The following DPYD variants were observed in gnomAD, a reference collection of about 807,000 sequenced individuals.
The protein encoded by DPYD is dihydropyrimidine dehydrogenase [NADP(+)].
A neutral mutation model predicts 116.2 loss-of-function variants in DPYD; 109 were observed. The observed-to-expected ratio is 0.94, with a 90% CI of 0.80 to 1.10. The LOEUF is 1.10. DPYD is among the 50% of genes least tolerant of loss of function. DPYD has a pLI of 0.00. For synonymous variants in DPYD, 440 were observed against 432.0 expected (o/e 1.02, Z -0.23); for missense variants, 1,302 against 1,254.5 (o/e 1.04, Z -0.57).
At chr1:97,542,633 C>T (rs1319288338) in intron 12 of DPYD, among the ~76,000 whole-genome samples, 1 of 152,110 alleles carries the variant, frequency 6.6e-6, no homozygotes, top group African/African-American at 2.4e-5. Context: ...ACCTTTGTAA[C>T]TTGATGCTTT....
intron 14 of DPYD, among the ~76,000 whole-genome samples, chr1:97,383,952 T>C (rs1462267657): frequency 2.0e-5 from 3 of 151,878 alleles, no homozygotes; most frequent in African/African-American, 2.4e-5. Flanking sequence ...CACAAAAAAA[T>C]AGAAAAATTA....
At chr1:97,552,501 T>C (rs1202153468) in intron 11 of DPYD, among the ~76,000 whole-genome samples, 3 of 152,086 alleles carry the variant, frequency 2.0e-5, no homozygotes, top group Admixed American at 6.6e-5. Flanking sequence ...GGGCATTTAT[T>C]TGTGAATTCA....
At position 97,209,952 on chromosome 1, in the gene DPYD, T is replaced by C. The variant is rs139548851; in HGVS notation, c.2443-16704A>G. Among the ~76,000 whole-genome samples the C allele has an allele frequency of 8.6e-3, 1,315 of 152,326 alleles. 9 individuals carry two copies. Among genetic ancestry groups the C allele is most frequent in the Non-Finnish European group, 0.014 (949 of 68,026 alleles). On this transcript the variant is annotated intron_variant, in intron 19 of 22. Transcript: ENST00000370192. ...ATTCCACAAACTGTTAAGGTCCTCCTGGTTCATATCTGCCAAACGAAGCTA... is the reference window on the plus strand; with the variant it reads ...ATTCCACAAACTGTTAAGGTCCTCCCGGTTCATATCTGCCAAACGAAGCTA...
At chr1:97,842,889 T>A (rs1030597236) in intron 2 of DPYD, among the ~76,000 whole-genome samples, 1 of 152,134 alleles carries the variant, frequency 6.6e-6, no homozygotes, top group Non-Finnish European at 1.5e-5. Context: ...TTAGTTCTCA[T>A]CTAAAGCACT....
intron 11 of DPYD, among the ~76,000 whole-genome samples, chr1:97,557,684 A>G (rs1011434346): frequency 3.3e-5 from 5 of 152,172 alleles, no homozygotes; most frequent in Admixed American, 1.3e-4. Context: ...CTTGTTTCCA[A>G]ATATATCAAC....
chr1:97,765,326 T>A (rs751459110), intron 3 of DPYD, among the ~76,000 whole-genome samples: 2 of 152,202 alleles, frequency 1.3e-5, no homozygotes, highest in Non-Finnish European at 2.9e-5. Context: ...AATTTGTGTT[T>A]AATATATTTC....
chr1:97,550,502 C>T (rs1651238510), intron 11 of DPYD, among the ~76,000 whole-genome samples: 1 of 152,030 alleles, frequency 6.6e-6, no homozygotes, highest in African/African-American at 2.4e-5. Context: ...ATTTTGAAAG[C>T]ATAATCCTGA....
rs1172848050 is a variant in DPYD, at chr1:97,546,073, G to T, written c.1524+3487C>A. The stretch of plus-strand genomic sequence containing the variant: ...GAAGACAGCAACAACATCACAGTAG[G>T]ATCCTTAGTTACAGTGCTGGTTAAG... On this transcript the variant is annotated intron_variant, in intron 12 of 22. Transcript: ENST00000370192. The T allele has an allele frequency of 9.3e-6, 13 of 1,396,736 alleles. No individual in the cohort carries two copies. The Admixed American group carries it at 2.0e-4, about 22-fold the overall frequency. The allele number at this position is 1,396,736 out of a possible 1,614,324, so 86.5% of individuals were successfully genotyped here.
chr1:97,870,067 ATTC>A (rs1464496880), intron 2 of DPYD, among the ~76,000 whole-genome samples: 1 of 151,856 alleles, frequency 6.6e-6, no homozygotes, highest in Non-Finnish European at 1.5e-5. Flanking sequence ...GGAGCTCCAT[ATTC>A]AAATATTGAT....
chr1:97,780,389 C>T (rs1666672989), intron 3 of DPYD, among the ~76,000 whole-genome samples: 1 of 152,148 alleles, frequency 6.6e-6, no homozygotes, highest in Non-Finnish European at 1.5e-5. Context: ...CTTGTTTAAA[C>T]TTCATGGACA....
intron 14 of DPYD, among the ~76,000 whole-genome samples, chr1:97,449,386 TGA>T (rs1292761679): frequency 1.3e-5 from 2 of 150,216 alleles, no homozygotes; most frequent in Non-Finnish European, 3.0e-5. Flanking sequence ...AGAGGAAGGA[TGA>T]GAGAGAGAAA....
At chr1:97,507,004 C>A (rs766787501) in intron 13 of DPYD, among the ~76,000 whole-genome samples, 1 of 151,908 alleles carries the variant, frequency 6.6e-6, no homozygotes, top group African/African-American at 2.4e-5. Flanking sequence ...TGTGTACACA[C>A]GAGTGTGCAA....
chr1:97,713,288 G>A (rs367858780), intron 5 of DPYD, among the ~76,000 whole-genome samples: 37 of 152,020 alleles, frequency 2.4e-4, no homozygotes, highest in Admixed American at 5.2e-4. Context: ...AATTGGCAAC[G>A]AAATAGTATA....
chr1:97,529,473 CT>C (rs1649404233), intron 12 of DPYD, among the ~76,000 whole-genome samples: 2 of 152,002 alleles, frequency 1.3e-5, no homozygotes, highest in South Asian at 4.1e-4. Flanking sequence ...TATTACACAC[CT>C]TTTTTTCCAC....
intron 2 of DPYD, among the ~76,000 whole-genome samples, chr1:97,843,557 T>C (rs1344000276): frequency 6.6e-6 from 1 of 152,162 alleles, no homozygotes; most frequent in Non-Finnish European, 1.5e-5. Context: ...AAGTTAGAAA[T>C]GTGAACTTGG....
At position 97,457,824 on chromosome 1, in the gene DPYD, T is replaced by C. The variant is rs1162321425; in HGVS notation, c.1741-7601A>G. On this transcript the variant is annotated intron_variant, in intron 13 of 22. Coordinates refer to ENST00000370192, the MANE Select transcript of DPYD (RefSeq NM_000110.4). Reference sequence around the variant, plus strand: ...TTTTTCTGCAGGCTTTGAGAATCCATTGTGTTCTGTCTCCTATTCAAGTTA... The same window carrying C: ...TTTTTCTGCAGGCTTTGAGAATCCACTGTGTTCTGTCTCCTATTCAAGTTA... Among the ~76,000 whole-genome samples, 4 of 152,168 alleles carry C rather than the reference T, an allele frequency of 2.6e-5. No individual in the cohort carries two copies. The East Asian group carries it at 5.8e-4, about 22-fold the overall frequency.
intron 11 of DPYD, among the ~76,000 whole-genome samples, chr1:97,550,883 G>A (rs1477250621): frequency 6.6e-6 from 1 of 151,932 alleles, no homozygotes; most frequent in Non-Finnish European, 1.5e-5. Flanking sequence ...GTAAAATAGA[G>A]GAAAAAAATA....
intron 18 of DPYD, among the ~76,000 whole-genome samples, chr1:97,256,545 T>C (rs1395835441): frequency 6.6e-6 from 1 of 152,074 alleles, no homozygotes; most frequent in Non-Finnish European, 1.5e-5. Context: ...CCTGCTGTTA[T>C]CCACGTTAAG....
At chr1:97,458,597 G>A (rs919642346) in intron 13 of DPYD, among the ~76,000 whole-genome samples, 3 of 152,140 alleles carry the variant, frequency 2.0e-5, no homozygotes, top group South Asian at 2.1e-4. Context: ...GACAAAGTCT[G>A]GGACTGAGCA....
Sources: allele counts gnomAD v4.1 joint callset (sites outside exome capture counted in the v4.1 genomes callset), GRCh38; gene constraint gnomAD v4.1.1; transcripts MANE v1.5; gene names NCBI Gene and HGNC (gene_info 2026-07-23, HGNC 2026-07-21).